The following ANKDD1A variants were observed in gnomAD, a reference collection of about 807,000 sequenced individuals.
The protein encoded by ANKDD1A is ankyrin repeat and death domain containing 1A, also known as ankyrin repeat and death domain-containing protein 1A.
Under a neutral mutation model 63.5 loss-of-function variants are expected in ANKDD1A, and 59 were observed. The ratio of observed to expected loss-of-function variants is 0.93; its 90% CI spans 0.75 to 1.15. The LOEUF is 1.15. Ranked by LOEUF, ANKDD1A falls within the 50% of genes most tolerant of loss-of-function variation. The pLI is 0.00. For missense variants in ANKDD1A, 632 were observed against 656.4 expected, an observed-to-expected ratio of 0.96 and a Z score of 0.41; for synonymous variants, 266 against 263.9, an observed-to-expected ratio of 1.01 and a Z score of -0.08.
At position 64,952,429 on chromosome 15, in the gene ANKDD1A, TCTC is replaced by T. The variant is rs570691942; in HGVS notation, c.1483+2466_1483+2468del. 6.9e-4 allele frequency among the ~76,000 whole-genome samples: 92 copies of T among 133,096 alleles called. 1 individual carries two copies. Among genetic ancestry groups the T allele is most frequent in the South Asian group, 2.0e-3 (7 of 3,498 alleles). 87.3% of individuals were successfully genotyped at this position (133,096 alleles called of 152,430 possible). A position where few individuals can be genotyped will look rare whatever the true frequency, so the allele number is the denominator to read the frequency against. On this transcript the variant is annotated intron_variant, in intron 14 of 14. Coordinates refer to ENST00000319580, the MANE Select transcript of ANKDD1A (RefSeq NM_182703.6). ...TTCTTCTTCTCCTTCTTAGTTTTCT[TCTC>T]CTCCTCCTTTCTTCTTCTTAGTTCT...
At chr15:64,951,319 T>TTCTTCTCTTCTTCTTC (rs2085269153) in intron 14 of ANKDD1A, 2 of 758,820 alleles carry the variant, frequency 2.6e-6, no homozygotes, top group African/African-American at 2.4e-5. Context: ...TCTTCTTCTT[T>TTCTTCTCTTCTTCTTC]CTTCTTTCCT....
chr15:64,943,679 G>A (rs1005563950), intron 11 of ANKDD1A, 97 bp downstream of exon 11: 5 of 1,163,074 alleles, frequency 4.3e-6, no homozygotes, highest in African/African-American at 1.5e-5. Flanking sequence ...CCTTCTCAGG[G>A]TGTTCAAGGA....
At chr15:64,930,188 C>T (rs1204248974) in intron 6 of ANKDD1A, among the ~76,000 whole-genome samples, 4 of 151,652 alleles carry the variant, frequency 2.6e-5, no homozygotes, top group African/African-American at 4.9e-5. Flanking sequence ...CAGCAAACCA[C>T]CAATGCACAC....
At chr15:64,945,607 C>CATATATATATATATATATATATATATAT (rs61390435) in intron 12 of ANKDD1A, among the ~76,000 whole-genome samples, 6 of 73,854 alleles carry the variant, frequency 8.1e-5, no homozygotes, top group East Asian at 6.6e-4. Flanking sequence ...GCATTTTCAA[C>CATATATATATATATATATATATATATAT]ATATATATAT....
At position 64,914,731 on chromosome 15, in the gene ANKDD1A, A is replaced by C. The variant is rs559688155; in HGVS notation, c.35-1066A>C. Among the ~76,000 whole-genome samples the C allele has an allele frequency of 9.8e-4, 150 of 152,320 alleles. 6 individuals are homozygous for C. In the South Asian group the frequency reaches 0.03, roughly 30 times the overall value. On this transcript the variant is annotated intron_variant, in intron 1 of 14. Coordinates refer to ENST00000319580, the MANE Select transcript of ANKDD1A (RefSeq NM_182703.6). ...AGCCATGGAGACTAGACATCCTCAC[A>C]ATCAAGAGCCGTCAGGATGATGGCA... is the stretch of plus-strand genomic sequence containing the variant.
intron 14 of ANKDD1A, among the ~76,000 whole-genome samples, chr15:64,954,353 C>T (rs202216617): frequency 0.37 from 53,324 of 144,970 alleles, 11,056 homozygotes; most frequent in East Asian, 0.56. Context: ...TCTCCTTCTT[C>T]TCTTCTTCTC....
At chr15:64,953,378 CCTTTCTTCTTCTT>C (rs1314187218) in intron 14 of ANKDD1A, among the ~76,000 whole-genome samples, 2 of 42,200 alleles carry the variant, frequency 4.7e-5, no homozygotes, top group African/African-American at 1.1e-4. Flanking sequence ...TCCTTCTTTT[CCTTTCTTCTTCTT>C]AGTTCTCCTT....
chr15:64,937,194 A>G (rs879525312), intron 9 of ANKDD1A, among the ~76,000 whole-genome samples: 3 of 152,178 alleles, frequency 2.0e-5, no homozygotes, highest in South Asian at 4.1e-4. Context: ...AGTTGGTACG[A>G]TCTGTTCAGA....
At chr15:64,933,991 A>G (rs1034301525) in intron 8 of ANKDD1A, 145 bp from the exon 9 acceptor site, 3 of 590,746 alleles carry the variant, frequency 5.1e-6, no homozygotes, top group African/African-American at 3.7e-5. Flanking sequence ...TGGGAAAGTC[A>G]TTGATTTTTC....
intron 2 of ANKDD1A, 115 bp from the exon 3 acceptor site, chr15:64,917,247 GGTCCCCAGCTAGCTGGGGACCAGA>G: frequency 8.8e-7 from 1 of 1,130,388 alleles, no homozygotes; most frequent in Admixed American, 3.0e-5. Context: ...AATGGGGCTG[GGTCCCCAGCTAGCTGGGGACCAGA>G]GCCAGCAAAG....
At chr15:64,951,051 A>G in intron 14 of ANKDD1A, 1 of 1,236,932 alleles carries the variant, frequency 8.1e-7, no homozygotes, top group Non-Finnish European at 1.0e-6. Flanking sequence ...GTGGGACCTC[A>G]GCGTGTGGAG....
intron 9 of ANKDD1A, among the ~76,000 whole-genome samples, chr15:64,938,540 G>A (rs1230747458): frequency 6.6e-6 from 1 of 152,186 alleles, no homozygotes; most frequent in Non-Finnish European, 1.5e-5. Flanking sequence ...AAATGTCAAG[G>A]TCATGAAAAA....
intron 10 of ANKDD1A, 48 bp downstream of exon 10, chr15:64,942,613 C>T: frequency 6.6e-7 from 1 of 1,514,132 alleles, no homozygotes; most frequent in Non-Finnish European, 9.1e-7. Flanking sequence ...TTCTGGAAAC[C>T]CTCCCAGGCT....
chr15:64,927,409 A>G (rs2085053751), intron 6 of ANKDD1A, among the ~76,000 whole-genome samples: 1 of 152,122 alleles, frequency 6.6e-6, no homozygotes, highest in Non-Finnish European at 1.5e-5. Flanking sequence ...GTAGCCACAC[A>G]TCTGCTCTGC....
chr15:64,913,769 G>A (rs758524891), intron 1 of ANKDD1A, among the ~76,000 whole-genome samples: 1 of 152,128 alleles, frequency 6.6e-6, no homozygotes, highest in Non-Finnish European at 1.5e-5. Flanking sequence ...CAAGACACTC[G>A]TCACCTGTCC....
Position 64,957,907 on chromosome 15 carries a change from T to C in ANKDD1A, c.*719T>C, listed in dbSNP as rs1208026611. The C allele has an allele frequency of 1.3e-5, 2 of 152,218 alleles. No homozygotes were observed. Among genetic ancestry groups the C allele is most frequent in the East Asian group, 1.9e-4 (1 of 5,188 alleles). 9.4% of individuals were successfully genotyped at this position (152,218 alleles called of 1,614,324 possible). On this transcript the variant is annotated 3_prime_UTR_variant, in exon 15 of 15. Coordinates refer to ENST00000319580, the MANE Select transcript of ANKDD1A (RefSeq NM_182703.6). The stretch of plus-strand genomic sequence containing the variant: ...AAAGAAAGGAAATTAGAAAACATAT[T>C]TGCATAAATAAAAGCTAGACAAAGG...
intron 6 of ANKDD1A, among the ~76,000 whole-genome samples, chr15:64,927,910 C>T (rs2085059862): frequency 6.6e-6 from 1 of 152,216 alleles, no homozygotes; most frequent in East Asian, 1.9e-4. Context: ...CGGCCTGTTA[C>T]AGCAAATTCT....
At chr15:64,943,163 G>GA (rs1170058837) in intron 10 of ANKDD1A, 2 of 298,868 alleles carry the variant, frequency 6.7e-6, no homozygotes, top group Non-Finnish European at 6.3e-6. Context: ...TCTTCAATTT[G>GA]AAAATGGCCT....
chr15:64,931,513 T>C lies in ANKDD1A; in HGVS notation c.696T>C (p.Ala232=). ...NAEGLTALHS[A]AGGSHPDCVQ... is the part of the protein sequence containing the mutation. ...AAGGTCTGACTGCCCTGCATTCGGC[T>C]GCTGGAGGATCCCACCCTGACTGTG... Residue 232 remains alanine, a synonymous_variant, in exon 8 of 15, where the codon GCT becomes GCC. Coordinates refer to ENST00000319580, the MANE Select transcript of ANKDD1A (RefSeq NM_182703.6). 7 of 1,614,088 alleles carry C rather than the reference T, an allele frequency of 4.3e-6. No individual in the cohort carries two copies. The highest frequency in any genetic ancestry group is 1.3e-5 in the African/African-American group (1 of 75,054).
Sources: allele counts gnomAD v4.1 joint callset (sites outside exome capture counted in the v4.1 genomes callset), GRCh38; gene constraint gnomAD v4.1.1; transcripts MANE v1.5; gene names NCBI Gene and HGNC (gene_info 2026-07-23, HGNC 2026-07-21).